The following TMC1 variants were observed in gnomAD, a reference collection of about 807,000 sequenced individuals.
TMC1 encodes the protein transmembrane channel like 1.
A neutral mutation model predicts 105.8 loss-of-function variants in TMC1; 84 were observed. The ratio of observed to expected loss-of-function variants is 0.79; its 90% confidence interval spans 0.67 to 0.95. The LOEUF (loss-of-function observed/expected upper bound fraction) is 0.95, where lower values mean the gene tolerates loss of function less well. Ranked by LOEUF, TMC1 falls within the 40% of genes least tolerant of loss-of-function variation. The probability of loss-of-function intolerance (pLI) is 0.00; values close to 1 mark genes in which losing one functional copy is unlikely to be tolerated. For missense variants in TMC1, 817 were observed against 914.1 expected, an observed-to-expected ratio of 0.89 and a Z score of 1.37; for synonymous variants, 315 against 311.5, an observed-to-expected ratio of 1.01 and a Z score of -0.12.
chr9:72,645,087 G>A (rs888389505), intron 4 of TMC1, among the ~76,000 whole-genome samples: 2 of 152,090 alleles, frequency 1.3e-5, no homozygotes, highest in Admixed American at 6.6e-5. Flanking sequence ...TGTTGAAGTC[G>A]AAGCCCACAG....
intron 13 of TMC1, among the ~76,000 whole-genome samples, chr9:72,778,985 G>A (rs1828048809): frequency 6.6e-6 from 1 of 152,164 alleles, no homozygotes; most frequent in African/African-American, 2.4e-5. Context: ...ACCAACACAT[G>A]AGCACAGACC....
chr9:72,694,412 C>T, intron 6 of TMC1, 131 bp from the exon 7 acceptor site: 1 of 735,532 alleles, frequency 1.4e-6, no homozygotes, highest in Non-Finnish European at 2.4e-6. Flanking sequence ...TGATGCATCC[C>T]ATCACGATGT....
intron 12 of TMC1, among the ~76,000 whole-genome samples, chr9:72,755,305 T>C (rs978614132): frequency 5.3e-5 from 8 of 152,222 alleles, no homozygotes; most frequent in Admixed American, 1.3e-4. Flanking sequence ...ATGTGCTTTT[T>C]GGAAAATCTT....
At chr9:72,620,171 A>G (rs1825220641) in intron 3 of TMC1, among the ~76,000 whole-genome samples, 1 of 151,730 alleles carries the variant, frequency 6.6e-6, no homozygotes, top group African/African-American at 2.4e-5. Flanking sequence ...AAGCAAAGTG[A>G]CATGCTCAAG....
chr9:72,754,769 T>G lies in TMC1; in HGVS notation c.643-17T>G. 2 of 1,593,426 alleles carry G rather than the reference T, an allele frequency of 1.3e-6. No homozygotes were observed. The highest frequency in any genetic ancestry group is 1.7e-6 in the Non-Finnish European group (2 of 1,161,248). ...TTGTTTCTAATTGTTCACTGCTTTCTTTGCTTCTTCATACAGTACCTCTGG... is the reference window on the plus strand; with the variant it reads ...TTGTTTCTAATTGTTCACTGCTTTCGTTGCTTCTTCATACAGTACCTCTGG... On this transcript the variant is annotated splice_polypyrimidine_tract_variant and intron_variant, in intron 11 of 23. Coordinates refer to ENST00000297784, the MANE Select transcript of TMC1 (RefSeq NM_138691.3).
chr9:72,805,285 A>C, intron 17 of TMC1, 97 bp from the exon 18 acceptor site: 1 of 1,396,238 alleles, frequency 7.2e-7, no homozygotes. Context: ...GCAGTCTTCA[A>C]GCCAATACTT....
intron 4 of TMC1, among the ~76,000 whole-genome samples, chr9:72,639,829 T>A (rs957430775): frequency 6.6e-6 from 1 of 152,222 alleles, no homozygotes; most frequent in Non-Finnish European, 1.5e-5. Flanking sequence ...AATTTTCTGT[T>A]ACTTACATTT....
chr9:72,524,934 T>G (rs1055988379), intron 1 of TMC1, among the ~76,000 whole-genome samples: 23 of 152,246 alleles, frequency 1.5e-4, no homozygotes, highest in African/African-American at 5.1e-4. Context: ...ACCGGAAAAT[T>G]CCACATATCT....
At chr9:72,735,232 G>A (rs1229679915) in intron 8 of TMC1, among the ~76,000 whole-genome samples, 1 of 152,176 alleles carries the variant, frequency 6.6e-6, no homozygotes, top group African/African-American at 2.4e-5. Flanking sequence ...GTCTTGGCAG[G>A]TGGCTTTTGT....
chr9:72,727,115 A>C (rs2256491), intron 8 of TMC1, among the ~76,000 whole-genome samples: 33,974 of 152,128 alleles, frequency 0.22, 4,063 homozygotes, highest in East Asian at 0.38. Flanking sequence ...CTCCTTTGTT[A>C]GATAAATTCC....
At chr9:72,793,159 G>A (rs1458445805) in intron 17 of TMC1, among the ~76,000 whole-genome samples, 1 of 152,150 alleles carries the variant, frequency 6.6e-6, no homozygotes, top group African/African-American at 2.4e-5. Context: ...GGGAGCCTTA[G>A]ATACCTGGGC....
chr9:72,831,850 G>C (rs2118335950), intron 23 of TMC1, among the ~76,000 whole-genome samples: 1 of 152,022 alleles, frequency 6.6e-6, no homozygotes, highest in African/African-American at 2.4e-5. Context: ...TTGGACATTT[G>C]GGTTGGTTCC....
intron 3 of TMC1, among the ~76,000 whole-genome samples, chr9:72,618,402 AG>A (rs973983310): frequency 6.6e-6 from 1 of 152,232 alleles, no homozygotes; most frequent in Non-Finnish European, 1.5e-5. Context: ...AGAATAAAAA[AG>A]GAACAATTTC....
chr9:72,533,730 A>G (rs1213674739), intron 1 of TMC1, among the ~76,000 whole-genome samples: 1 of 152,082 alleles, frequency 6.6e-6, no homozygotes, highest in Non-Finnish European at 1.5e-5. Context: ...AGACTTAAAC[A>G]CTTCTGCTCC....
chr9:72,531,582 T>A (rs982533724), intron 1 of TMC1, among the ~76,000 whole-genome samples: 2 of 152,218 alleles, frequency 1.3e-5, no homozygotes, highest in African/African-American at 4.8e-5. Flanking sequence ...CTCTCTTATA[T>A]ACTATGGAGC....
chr9:72,725,985 C>T (rs572589333), intron 8 of TMC1, among the ~76,000 whole-genome samples: 4 of 152,264 alleles, frequency 2.6e-5, no homozygotes, highest in Non-Finnish European at 5.9e-5. Context: ...CCACCACGCC[C>T]GGCCTCAAAT....
At chr9:72,556,816 G>T (rs539433858) in intron 1 of TMC1, among the ~76,000 whole-genome samples, 2 of 151,608 alleles carry the variant, frequency 1.3e-5, no homozygotes, top group Admixed American at 1.3e-4. Context: ...GCGAGACTCT[G>T]TCTTGGAAAC....
At chr9:72,693,347 C>T (rs1663743) in intron 6 of TMC1, among the ~76,000 whole-genome samples, 2 of 151,870 alleles carry the variant, frequency 1.3e-5, no homozygotes, top group Non-Finnish European at 1.5e-5. Context: ...TTCAAAGGAA[C>T]GTCCAAAGAA....
chr9:72,707,023 C>G (rs1035534811), intron 8 of TMC1, among the ~76,000 whole-genome samples: 2 of 152,196 alleles, frequency 1.3e-5, no homozygotes, highest in Non-Finnish European at 2.9e-5. Flanking sequence ...GATCTGCCCA[C>G]CTTGGCCTCC....
Sources: gnomAD v4.1 joint callset for allele counts (sites outside exome capture counted in the v4.1 genomes callset) on GRCh38, gnomAD v4.1.1 for gene constraint, MANE v1.5 for transcripts, NCBI Gene and HGNC (gene_info 2026-07-23, HGNC 2026-07-21) for gene names.